CAMK1D: variants seen among roughly 807,000 people sequenced by gnomAD.
CAMK1D encodes the protein calcium/calmodulin dependent protein kinase ID, also known as calcium/calmodulin-dependent protein kinase type 1D.
Under a neutral mutation model 47.7 loss-of-function variants are expected in CAMK1D, and 9 were observed. The observed-to-expected ratio is 0.19, with a 90% CI of 0.11 to 0.33. The LOEUF is 0.33. CAMK1D is among the 10% of genes least tolerant of loss of function. CAMK1D has a pLI of 1.00. For synonymous variants in CAMK1D, 184 were observed against 184.9 expected (o/e 0.99, Z 0.04); for missense variants, 291 against 488.7 (o/e 0.60, Z 3.81).
chr10:12,673,291 G>C (rs1004480088), intron 3 of CAMK1D, among the ~76,000 whole-genome samples: 1 of 147,732 alleles, frequency 6.8e-6, no homozygotes, highest in East Asian at 2.2e-4. Context: ...ATTAATAAAC[G>C]TAAGTGTTTT....
rs928907203 is a variant in CAMK1D at position 12,374,274 on chromosome 10, A to G, written c.92+24364A>G. 1.7e-4 allele frequency among the ~76,000 whole-genome samples: 26 copies of G among 150,986 alleles called. 1 individual carries two copies. Among genetic ancestry groups the G allele is most frequent in the East Asian group, 3.9e-4 (2 of 5,162 alleles). On this transcript the variant is annotated intron_variant, in intron 1 of 10. Coordinates refer to ENST00000619168, the MANE Select transcript of CAMK1D (RefSeq NM_153498.4). ...ACTCTGTCTCAAAAAAAAAAAAAAAAAAAAAAGAAAAAAGAAAAAAAGAGC... is the reference window on the plus strand; with the variant it reads ...ACTCTGTCTCAAAAAAAAAAAAAAAGAAAAAAGAAAAAAGAAAAAAAGAGC...
intron 3 of CAMK1D, among the ~76,000 whole-genome samples, chr10:12,668,681 C>A (rs1458939877): frequency 1.3e-5 from 2 of 152,162 alleles, no homozygotes; most frequent in Non-Finnish European, 2.9e-5. Flanking sequence ...TACAGATGGT[C>A]TTTAATTTTA....
intron 1 of CAMK1D, among the ~76,000 whole-genome samples, chr10:12,490,614 C>T (rs576085869): frequency 2.5e-4 from 38 of 152,208 alleles, no homozygotes; most frequent in Middle Eastern, 3.4e-3. Flanking sequence ...TTTGGGAGGC[C>T]GAGGTGGGCC....
At chr10:12,522,523 T>G (rs548510033) in intron 1 of CAMK1D, among the ~76,000 whole-genome samples, 1 of 151,924 alleles carries the variant, frequency 6.6e-6, no homozygotes, top group African/African-American at 2.4e-5. Flanking sequence ...GGCAAGGTCA[T>G]AGATCAACAG....
intron 2 of CAMK1D, among the ~76,000 whole-genome samples, chr10:12,664,999 G>A (rs1331959694): frequency 1.3e-5 from 2 of 152,174 alleles, no homozygotes; most frequent in Non-Finnish European, 1.5e-5. Flanking sequence ...ATTCTTTTAG[G>A]TAGATCCAAT....
intron 5 of CAMK1D, among the ~76,000 whole-genome samples, chr10:12,773,645 C>A (rs1335345653): frequency 1.3e-5 from 2 of 152,204 alleles, no homozygotes; most frequent in Admixed American, 1.3e-4. Flanking sequence ...GTAATCCCAG[C>A]TCCTTGGGAG....
At chr10:12,749,459 AAAAAAG>A (rs1835830794) in intron 3 of CAMK1D, among the ~76,000 whole-genome samples, 1 of 151,510 alleles carries the variant, frequency 6.6e-6, no homozygotes, top group African/African-American at 2.4e-5. Context: ...AAAAAAAAAA[AAAAAAG>A]AAATCCATTG....
At chr10:12,438,796 C>T (rs1832703262) in intron 1 of CAMK1D, among the ~76,000 whole-genome samples, 1 of 152,178 alleles carries the variant, frequency 6.6e-6, no homozygotes, top group South Asian at 2.1e-4. Flanking sequence ...GCTTTTCTTC[C>T]CTGCCTTGCT....
chr10:12,631,146 T>C (rs762513149), intron 2 of CAMK1D, among the ~76,000 whole-genome samples: 1 of 152,140 alleles, frequency 6.6e-6, no homozygotes, highest in Non-Finnish European at 1.5e-5. Context: ...AACTGGGTAA[T>C]GGAGTTGAGA....
chr10:12,739,257 T>C lies in CAMK1D; in HGVS notation c.300-21691T>C, dbSNP rs79318299. On this transcript the variant is annotated intron_variant, in intron 3 of 10. Transcript: ENST00000619168. ...GTCTCAGAAAAAGAAAAAAGGTTAA[T>C]ACAAAATGAGATAGATACGTTCCCC... 6.0e-3 allele frequency among the ~76,000 whole-genome samples: 909 copies of C among 151,836 alleles called. 13 individuals carry two copies. Among genetic ancestry groups the C allele is most frequent in the African/African-American group, 0.021 (865 of 41,410 alleles).
chr10:12,662,664 A>AAAAAAAAAAAAAAAAAAAAG (rs1840309815), intron 2 of CAMK1D, among the ~76,000 whole-genome samples: 1 of 144,404 alleles, frequency 6.9e-6, no homozygotes, highest in Non-Finnish European at 1.5e-5. Flanking sequence ...AAAAAAAAAA[A>AAAAAAAAAAAAAAAAAAAAG]GGAGATTGTG....
At chr10:12,647,783 G>A (rs1839852219) in intron 2 of CAMK1D, among the ~76,000 whole-genome samples, 1 of 152,206 alleles carries the variant, frequency 6.6e-6, no homozygotes. Flanking sequence ...GCTTGTGGGT[G>A]TGTGCTTACT....
At chr10:12,666,591 C>T (rs1840438281) in intron 2 of CAMK1D, 145 bp from the exon 3 acceptor site, 2 of 658,364 alleles carry the variant, frequency 3.0e-6, no homozygotes, top group East Asian at 5.4e-5. Context: ...TGGAAAAAGT[C>T]TGGGGACAAC....
intron 9 of CAMK1D, among the ~76,000 whole-genome samples, chr10:12,825,307 G>A (rs1246936052): frequency 6.8e-6 from 1 of 147,528 alleles, no homozygotes; most frequent in Non-Finnish European, 1.5e-5. Context: ...AAATTACAGA[G>A]AGAATTGGTT....
At chr10:12,792,284 A>G (rs1341579167) in intron 6 of CAMK1D, among the ~76,000 whole-genome samples, 1 of 119,934 alleles carries the variant, frequency 8.3e-6, no homozygotes. Context: ...CAGGATCATC[A>G]GTTTTGTTTC....
intron 5 of CAMK1D, among the ~76,000 whole-genome samples, chr10:12,780,277 G>C (rs1837437927): frequency 6.6e-6 from 1 of 152,172 alleles, no homozygotes; most frequent in Non-Finnish European, 1.5e-5. Flanking sequence ...CAGGGGACTT[G>C]AATGTAAGCG....
intron 1 of CAMK1D, among the ~76,000 whole-genome samples, chr10:12,522,674 G>A (rs945977924): frequency 1.6e-4 from 25 of 151,668 alleles, no homozygotes; most frequent in African/African-American, 5.6e-4. Context: ...CCACAAAACC[G>A]CCATTGTCAT....
chr10:12,734,800 T>G (rs903464494), intron 3 of CAMK1D, among the ~76,000 whole-genome samples: 7 of 152,136 alleles, frequency 4.6e-5, no homozygotes, highest in African/African-American at 1.7e-4. Context: ...CTTTGTTGTC[T>G]GCATCCTTTC....
chr10:12,504,769 C>T (rs1172572781), intron 1 of CAMK1D, among the ~76,000 whole-genome samples: 2 of 152,110 alleles, frequency 1.3e-5, no homozygotes, highest in African/African-American at 2.4e-5. Context: ...CCTCCCGGGA[C>T]GGTGAGGCCA....
Sources: gnomAD v4.1 joint callset for allele counts (sites outside exome capture counted in the v4.1 genomes callset) on GRCh38, gnomAD v4.1.1 for gene constraint, MANE v1.5 for transcripts, NCBI Gene and HGNC (gene_info 2026-07-23, HGNC 2026-07-21) for gene names.